The following STX3 variants were observed in gnomAD, a reference collection of about 807,000 sequenced individuals.
STX3 encodes syntaxin 3.
STX3 carries 19 observed loss-of-function variants against 40.2 expected under a neutral mutation model. That is an observed-to-expected ratio of 0.47 (90% confidence interval 0.33 to 0.69). The LOEUF (loss-of-function observed/expected upper bound fraction) is 0.69. Among genes scored for constraint, STX3 ranks in the 30% least tolerant of loss-of-function variants. The probability of loss-of-function intolerance (pLI) is 0.02; values close to 1 mark genes in which losing one functional copy is unlikely to be tolerated. For missense variants in STX3, 364 were observed against 366.7 expected (o/e 0.99, Z 0.06); for synonymous variants, 122 against 132.2 (o/e 0.92, Z 0.53).
At chr11:59,790,655 A>AT (rs370918929) in intron 5 of STX3, 69 bp downstream of exon 5, 11,328 of 937,512 alleles carry the variant, frequency 0.012, 4 homozygotes, top group South Asian at 0.021. Context: ...CTGTGGAGGG[A>AT]TTTTTTTTTT....
chr11:59,780,336 T>C (rs1329136948), intron 2 of STX3, among the ~76,000 whole-genome samples: 1 of 152,150 alleles, frequency 6.6e-6, no homozygotes, highest in Admixed American at 6.5e-5. Flanking sequence ...CATGTGAAGA[T>C]ACTGGAAGAA....
intron 2 of STX3, among the ~76,000 whole-genome samples, chr11:59,783,180 A>G (rs1325109589): frequency 6.6e-6 from 1 of 152,228 alleles, no homozygotes; most frequent in Non-Finnish European, 1.5e-5. Flanking sequence ...AGACAGAGAA[A>G]TAAGGATGAT....
chr11:59,776,170 G>A (rs1863953296), intron 2 of STX3, among the ~76,000 whole-genome samples: 1 of 152,166 alleles, frequency 6.6e-6, no homozygotes, highest in East Asian at 1.9e-4. Context: ...GAAGTAAGAG[G>A]GAGTGGATCA....
intron 4 of STX3, 200 bp downstream of exon 4, chr11:59,789,147 G>A (rs1864958961): frequency 6.4e-6 from 3 of 466,636 alleles, no homozygotes; most frequent in Admixed American, 3.7e-5. Flanking sequence ...TGACTGTACT[G>A]GAAAGAGTCC....
chr11:59,801,193 C>T lies in STX3; in HGVS notation c.*369C>T, dbSNP rs1367113591. 1 of 1,164,534 alleles carries T rather than the reference C, an allele frequency of 8.6e-7. No individual in the cohort carries two copies. Among genetic ancestry groups the T allele is most frequent in the East Asian group, 4.2e-5 (1 of 23,546 alleles). The allele number at this position is 1,164,534 out of a possible 1,614,324, so 72.1% of individuals were successfully genotyped here. A position where few individuals can be genotyped will look rare whatever the true frequency, so the allele number is the denominator to read the frequency against. ...TCTCCCAAGGTGCTGTATTTTTCTACCTCATGGAGTATTCTCCCAGAAACT... is the reference window on the plus strand; with the variant it reads ...TCTCCCAAGGTGCTGTATTTTTCTATCTCATGGAGTATTCTCCCAGAAACT... On this transcript the variant is annotated 3_prime_UTR_variant, in exon 11 of 11. Transcript: ENST00000337979.
chr11:59,756,664 C>G (rs965445730), intron 1 of STX3, among the ~76,000 whole-genome samples: 1 of 152,172 alleles, frequency 6.6e-6, no homozygotes, highest in Admixed American at 6.5e-5. Flanking sequence ...TTGGGAAGCA[C>G]TGGACTGGAT....
rs189941678 is a variant in STX3, at chr11:59,788,103, G to C, written c.215-770G>C. 5.9e-5 allele frequency among the ~76,000 whole-genome samples: 9 copies of C among 152,054 alleles called. No homozygotes were observed. The East Asian group carries it at 1.7e-3, about 29-fold the overall frequency. ...TACCCTTTACTTACTGTTTCTTCTC[G>C]TGGAATTCCTGCTTTTAGTCTCTTT... On this transcript the variant is annotated intron_variant, in intron 3 of 10. Coordinates refer to ENST00000337979, the MANE Select transcript of STX3 (RefSeq NM_004177.5).
intron 10 of STX3, among the ~76,000 whole-genome samples, chr11:59,798,809 C>T (rs1161122805): frequency 2.0e-5 from 3 of 152,170 alleles, no homozygotes; most frequent in African/African-American, 4.8e-5. Flanking sequence ...CCACTGCACC[C>T]GGCCTGAATC....
chr11:59,796,928 T>A (rs956374452), intron 9 of STX3, among the ~76,000 whole-genome samples: 7 of 152,114 alleles, frequency 4.6e-5, no homozygotes, highest in African/African-American at 1.7e-4. Flanking sequence ...CTGGGGAACA[T>A]GGGAAGATCC....
chr11:59,801,444 G>A lies in STX3; in HGVS notation c.*620G>A, dbSNP rs1865883638. The A allele has an allele frequency of 1.0e-6, 1 of 986,184 alleles. No individual in the cohort carries two copies. The highest frequency in any genetic ancestry group is 6.1e-5 in the Admixed American group (1 of 16,428). The allele number at this position is 986,184 out of a possible 1,614,324, so 61.1% of individuals were successfully genotyped here. ...AAGCTCTTAGTTGTTCAGCTTGGGG[G>A]GCAACTTTGATTTTTCTCTGTGTTG... On this transcript the variant is annotated 3_prime_UTR_variant, in exon 11 of 11. Transcript: ENST00000337979.
In STX3 at chr11:59,804,550, GGCTGATCT is replaced by G. The variant is rs1866008395; in HGVS notation, c.*3730_*3737del. On this transcript the variant is annotated 3_prime_UTR_variant, in exon 11 of 11. Coordinates refer to ENST00000337979, the MANE Select transcript of STX3 (RefSeq NM_004177.5). ...GGCTGTGTAAAGCCGCTTGGGAATG[GGCTGATCT>G]GCTTATGCAAAAATGCTACCAACCT... 6.6e-6 allele frequency: 1 copy of G among 152,176 alleles called. No homozygotes were observed. Among genetic ancestry groups the G allele is most frequent in the South Asian group, 2.1e-4 (1 of 4,826 alleles). 9.4% of individuals were successfully genotyped at this position (152,176 alleles called of 1,614,324 possible).
rs1865892135 is a variant in STX3 at position 59,801,658 on chromosome 11, G to A, written c.*834G>A. On this transcript the variant is annotated 3_prime_UTR_variant, in exon 11 of 11. Coordinates refer to ENST00000337979, the MANE Select transcript of STX3 (RefSeq NM_004177.5). ...AAAAATAATCAGGGATTTTAAATTG[G>A]GCAAGGGACAAGGTGCTAGAATCCT... The A allele has an allele frequency of 1.0e-6, 1 of 985,542 alleles. No individual in the cohort carries two copies. Among genetic ancestry groups the A allele is most frequent in the African/African-American group, 1.7e-5 (1 of 57,198 alleles). The allele number at this position is 985,542 out of a possible 1,614,324, so 61.0% of individuals were successfully genotyped here. A position where few individuals can be genotyped will look rare whatever the true frequency, so the allele number is the denominator to read the frequency against.
At position 59,775,339 on chromosome 11, in the gene STX3, C is replaced by G. The variant is rs1590779492; in HGVS notation, c.114+2045C>G. On this transcript the variant is annotated intron_variant, in intron 2 of 10. Coordinates refer to ENST00000337979, the MANE Select transcript of STX3 (RefSeq NM_004177.5). ...TTGTGGATCGTGGAAGGACAATATCCTTTCACTCCGTGATGGGGGTGGACT... is the reference window on the plus strand; with the variant it reads ...TTGTGGATCGTGGAAGGACAATATCGTTTCACTCCGTGATGGGGGTGGACT... Among the ~76,000 whole-genome samples, 6 of 152,264 alleles carry G rather than the reference C, an allele frequency of 3.9e-5. No individual in the cohort carries two copies. The East Asian group carries it at 1.2e-3, about 29-fold the overall frequency.
Position 59,804,629 on chromosome 11 carries a change from A to G in STX3, c.*3805A>G, listed in dbSNP as rs1042779003. ...CATGAAAATTTAAAGTGCTTTTTCT[A>G]TGGGTGGTGATGGTGGAGTTCTAGC... On this transcript the variant is annotated 3_prime_UTR_variant, in exon 11 of 11. Coordinates refer to ENST00000337979, the MANE Select transcript of STX3 (RefSeq NM_004177.5). 3 of 152,174 alleles carry G rather than the reference A, an allele frequency of 2.0e-5. 1 individual carries two copies. Among genetic ancestry groups the G allele is most frequent in the South Asian group, 4.1e-4 (2 of 4,834 alleles). The allele number at this position is 152,174 out of a possible 1,614,324, so 9.4% of individuals were successfully genotyped here.
chr11:59,788,057 C>G (rs1024085390), intron 3 of STX3, among the ~76,000 whole-genome samples: 1 of 152,226 alleles, frequency 6.6e-6, no homozygotes, highest in Non-Finnish European at 1.5e-5. Context: ...TCTGGTTCCC[C>G]AGGCATTTCC....
intron 5 of STX3, 81 bp downstream of exon 5, chr11:59,790,667 T>C (rs1345229327): frequency 2.0e-6 from 2 of 985,688 alleles, no homozygotes; most frequent in Non-Finnish European, 3.1e-6. Flanking sequence ...TTTTTTTTTT[T>C]AATACAATCC....
At position 59,802,045 on chromosome 11, in the gene STX3, T is replaced by C. The variant is rs61463035; in HGVS notation, c.*1221T>C. The C allele has an allele frequency of 0.027, 26,491 of 985,362 alleles. 1,138 individuals are homozygous for C. Among genetic ancestry groups the C allele is most frequent in the African/African-American group, 0.17 (9,782 of 57,312 alleles). The allele number at this position is 985,362 out of a possible 1,614,324, so 61.0% of individuals were successfully genotyped here. On this transcript the variant is annotated 3_prime_UTR_variant, in exon 11 of 11. Coordinates refer to ENST00000337979, the MANE Select transcript of STX3 (RefSeq NM_004177.5). ...GAAGGTATAATTTTTTGACACCCTTTCCCACCTGGTGCCTATGCTAGGCTT... is the reference window on the plus strand; with the variant it reads ...GAAGGTATAATTTTTTGACACCCTTCCCCACCTGGTGCCTATGCTAGGCTT...
intron 2 of STX3, among the ~76,000 whole-genome samples, chr11:59,778,569 CTGTT>C (rs1246339256): frequency 6.6e-6 from 1 of 152,194 alleles, no homozygotes; most frequent in Non-Finnish European, 1.5e-5. Context: ...CAGGGAATGG[CTGTT>C]TGTTGGGTCA....
rs749932860 is a variant in STX3, at chr11:59,773,214, C to G, written c.34C>G (p.Gln12Glu). The stretch of plus-strand genomic sequence containing the variant: ...TGCTCTTTTTTGCCTTTTGCAGAAG[C>G]AGCTGACACAGGATGATGATACTGA... Reference protein sequence around the residue: ...KDRLEQLKAKQLTQDDDTDAV... With the variant: ...KDRLEQLKAKELTQDDDTDAV... Residue 12 changes from glutamine to glutamate, a missense_variant, in exon 2 of 11, where the codon CAG becomes GAG. By Grantham distance (29) the Gln-to-Glu change is conservative. Coordinates refer to ENST00000337979, the MANE Select transcript of STX3 (RefSeq NM_004177.5). 8 of 1,613,940 alleles carry G rather than the reference C, an allele frequency of 5.0e-6. 1 individual carries two copies. The South Asian group carries it at 8.8e-5, about 18-fold the overall frequency.
Sources: gnomAD v4.1 joint callset for allele counts (sites outside exome capture counted in the v4.1 genomes callset) on GRCh38, gnomAD v4.1.1 for gene constraint, MANE v1.5 for transcripts, NCBI Gene and HGNC (gene_info 2026-07-23, HGNC 2026-07-21) for gene names.